Variants in LRP1B observed in about 807,000 individuals in gnomAD.
The protein encoded by LRP1B is LDL receptor related protein 1B.
In LRP1B, 217 loss-of-function variants were observed where a neutral mutation model predicts 556.6. The ratio of observed to expected loss-of-function variants is 0.39; its 90% confidence interval spans 0.35 to 0.44. The LOEUF is 0.44. LRP1B is among the 20% of genes least tolerant of loss of function. LRP1B has a pLI of 1.00. For missense variants in LRP1B, 5,053 were observed against 5,620.8 expected, an observed-to-expected ratio of 0.90 and a Z score of 3.23; for synonymous variants, 2,047 against 1,865.8, an observed-to-expected ratio of 1.10 and a Z score of -2.50.
chr2:140,592,830 C>T (rs1471157431), intron 43 of LRP1B, among the ~76,000 whole-genome samples: 1 of 151,990 alleles, frequency 6.6e-6, no homozygotes, highest in African/African-American at 2.4e-5. Flanking sequence ...GTCCCAACTA[C>T]TTAGGAGGCC....
chr2:140,342,348 A>G (rs985651852), intron 77 of LRP1B, among the ~76,000 whole-genome samples: 2 of 151,422 alleles, frequency 1.3e-5, no homozygotes. Context: ...ATTATGCATG[A>G]CATACTATAA....
chr2:142,001,424 T>C (rs978905677), intron 1 of LRP1B, among the ~76,000 whole-genome samples: 1 of 152,192 alleles, frequency 6.6e-6, no homozygotes, highest in Admixed American at 6.5e-5. Context: ...TCGTGAAGTA[T>C]AGGAAAGAAG....
At chr2:141,170,110 A>G (rs554104270) in intron 7 of LRP1B, among the ~76,000 whole-genome samples, 11 of 152,240 alleles carry the variant, frequency 7.2e-5, no homozygotes, top group African/African-American at 2.6e-4. Flanking sequence ...AATGATAGAT[A>G]TGATAACAAA....
intron 41 of LRP1B, among the ~76,000 whole-genome samples, chr2:140,617,763 C>A (rs1683308580): frequency 6.6e-6 from 1 of 151,896 alleles, no homozygotes; most frequent in Non-Finnish European, 1.5e-5. Context: ...AAAGTAAGTT[C>A]TATTTTGAGA....
At chr2:140,613,034 T>G (rs1683123121) in intron 41 of LRP1B, among the ~76,000 whole-genome samples, 1 of 151,340 alleles carries the variant, frequency 6.6e-6, no homozygotes, top group Non-Finnish European at 1.5e-5. Context: ...TTTCTTACCT[T>G]TCATGATTAC....
At chr2:141,723,088 T>G (rs1465770766) in intron 2 of LRP1B, among the ~76,000 whole-genome samples, 1 of 152,106 alleles carries the variant, frequency 6.6e-6, no homozygotes, top group Non-Finnish European at 1.5e-5. Flanking sequence ...ATTTCACATA[T>G]TTACAGTTTT....
At chr2:140,663,532 A>C (rs1035108844) in intron 41 of LRP1B, among the ~76,000 whole-genome samples, 1 of 152,206 alleles carries the variant, frequency 6.6e-6, no homozygotes, top group Non-Finnish European at 1.5e-5. Flanking sequence ...AATCTCTGCT[A>C]GCTCAAACTT....
chr2:141,185,187 T>C (rs1040033774), intron 7 of LRP1B, among the ~76,000 whole-genome samples: 21 of 152,056 alleles, frequency 1.4e-4, no homozygotes, highest in Non-Finnish European at 2.5e-4. Flanking sequence ...GGCAGCACTA[T>C]CATAATTCAC....
intron 2 of LRP1B, among the ~76,000 whole-genome samples, chr2:141,709,859 T>C (rs562044125): frequency 5.3e-5 from 8 of 152,244 alleles, no homozygotes; most frequent in Admixed American, 3.9e-4. Flanking sequence ...AGAAAGTTAT[T>C]TCTCACAGAT....
intron 83 of LRP1B, among the ~76,000 whole-genome samples, chr2:140,311,891 A>C (rs1309825214): frequency 3.2e-4 from 49 of 152,006 alleles, no homozygotes; most frequent in African/African-American, 1.1e-3. Context: ...CCCCACGTAC[A>C]TATGTGACTT....
chr2:140,528,072 C>T lies in LRP1B; in HGVS notation c.7763-1722G>A, dbSNP rs1017891296. Among the ~76,000 whole-genome samples, 3 of 151,816 alleles carry T rather than the reference C, an allele frequency of 2.0e-5. No individual in the cohort carries two copies. The Admixed American group carries it at 2.0e-4, about 10-fold the overall frequency. ...CAACTCGTTTCACCATCACAATCTG[C>T]CTCCAATCTCCCATAGAGAATTCTC... On this transcript the variant is annotated intron_variant, in intron 47 of 90. Coordinates refer to ENST00000389484, the MANE Select transcript of LRP1B (RefSeq NM_018557.3).
At chr2:140,901,212 C>T (rs1694096331) in intron 23 of LRP1B, among the ~76,000 whole-genome samples, 1 of 152,046 alleles carries the variant, frequency 6.6e-6, no homozygotes, top group Non-Finnish European at 1.5e-5. Context: ...CTAATCTCAT[C>T]ATAAACAACG....
chr2:141,940,911 C>G (rs988440487), intron 1 of LRP1B, among the ~76,000 whole-genome samples: 1 of 152,284 alleles, frequency 6.6e-6, no homozygotes, highest in African/African-American at 2.4e-5. Flanking sequence ...ACTTACCCAA[C>G]GTCACCTAGC....
intron 7 of LRP1B, among the ~76,000 whole-genome samples, chr2:141,116,501 C>G (rs1018988606): frequency 1.3e-5 from 2 of 152,086 alleles, no homozygotes; most frequent in Non-Finnish European, 2.9e-5. Context: ...TTTAATGAGG[C>G]TTATCCAGTC....
intron 1 of LRP1B, among the ~76,000 whole-genome samples, chr2:141,833,216 T>G (rs1697166613): frequency 6.6e-6 from 1 of 151,852 alleles, no homozygotes; most frequent in Admixed American, 6.6e-5. Context: ...TAGTAGATTC[T>G]ACAACATAAA....
intron 2 of LRP1B, among the ~76,000 whole-genome samples, chr2:141,703,231 A>AAT (rs74897313): frequency 0.38 from 58,144 of 151,526 alleles, 11,694 homozygotes; most frequent in East Asian, 0.68. Flanking sequence ...CATATTTTAA[A>AAT]ATACAGGTGT....
In LRP1B at chr2:141,188,355, C is replaced by T. The variant is rs1681353250; in HGVS notation, c.1013+66G>A. On this transcript the variant is annotated intron_variant, in intron 7 of 90. Transcript: ENST00000389484. ...TCTTATTTTCCACAACAACACTTGT[C>T]ATACTTCAATCTTTTCTTTTTAAAC... is the stretch of plus-strand genomic sequence containing the variant. The T allele has an allele frequency of 2.1e-6, 3 of 1,462,668 alleles. No individual in the cohort carries two copies. In the Middle Eastern group the frequency reaches 5.3e-4, roughly 260 times the overall value. 90.6% of individuals were successfully genotyped at this position (1,462,668 alleles called of 1,614,324 possible).
intron 3 of LRP1B, among the ~76,000 whole-genome samples, chr2:141,396,496 A>T (rs2104915605): frequency 6.6e-6 from 1 of 152,322 alleles, no homozygotes; most frequent in South Asian, 2.1e-4. Context: ...GGCTATAGAT[A>T]AAGCCAATGA....
At chr2:141,737,348 T>C (rs1319653769) in intron 2 of LRP1B, among the ~76,000 whole-genome samples, 4 of 152,042 alleles carry the variant, frequency 2.6e-5, no homozygotes, top group African/African-American at 9.7e-5. Flanking sequence ...CAAAACTCTG[T>C]CTCAGAAAAA....
Sources: gnomAD v4.1 joint callset for allele counts (sites outside exome capture counted in the v4.1 genomes callset) on GRCh38, gnomAD v4.1.1 for gene constraint, MANE v1.5 for transcripts, NCBI Gene and HGNC (gene_info 2026-07-23, HGNC 2026-07-21) for gene names.